DLG4: variants seen among roughly 807,000 people sequenced by gnomAD.
The protein encoded by DLG4 is disks large homolog 4.
In DLG4, 7 loss-of-function variants were observed where a neutral mutation model predicts 93.8. That is an observed-to-expected ratio of 0.07 (90% CI 0.04 to 0.14). The LOEUF is 0.14. Among genes scored for constraint, DLG4 ranks in the 10% least tolerant of loss-of-function variants. DLG4 has a pLI of 1.00. For synonymous variants in DLG4, 341 were observed against 387.6 expected (o/e 0.88, Z 1.41); for missense variants, 545 against 992.9 (o/e 0.55, Z 6.06).
rs755998980 is a variant in DLG4, at chr17:7,208,336, T to G, written c.31-97A>C. 3 of 1,132,890 alleles carry G rather than the reference T, an allele frequency of 2.6e-6. No individual in the cohort carries two copies. The highest frequency in any genetic ancestry group is 3.5e-6 in the Non-Finnish European group (3 of 869,424). The allele number at this position is 1,132,890 out of a possible 1,614,324, so 70.2% of individuals were successfully genotyped here. On this transcript the variant is annotated intron_variant, in intron 1 of 19. Coordinates refer to ENST00000399506, the MANE Select transcript of DLG4 (RefSeq NM_001321075.3). This position sits in a 1 kb window ranked among gnomAD's most constrained non-coding sequence, Gnocchi z 5.4. The stretch of plus-strand genomic sequence containing the variant: ...CCGCCTCTTCCCCCAGCCAGTGCAG[T>G]GCGGAAGGCCCTGGGGCCTGACCAG...
chr17:7,199,872 C>T (rs1044450246), intron 8 of DLG4, among the ~76,000 whole-genome samples: 1 of 149,996 alleles, frequency 6.7e-6, no homozygotes, highest in Non-Finnish European at 1.5e-5. Flanking sequence ...CCCAGCTACT[C>T]GGGAGGCTGA....
At chr17:7,219,925 C>T (rs1421475462), upstream of DLG4, 23 of 1,572,440 alleles carry the variant, frequency 1.5e-5, no homozygotes, top group African/African-American at 2.7e-5. Context: ...AGGACGTGGG[C>T]GTGCAGGACG....
Position 7,203,476 on chromosome 17 carries a change from C to T in DLG4, c.453G>A (p.Arg151=). Residue 151 remains arginine, a synonymous_variant, in exon 6 of 20, where the codon CGG becomes CGA. Coordinates refer to ENST00000399506, the MANE Select transcript of DLG4 (RefSeq NM_001321075.3). The surrounding 1 kb of genome is among the most constrained non-coding windows in gnomAD (Gnocchi z 7.2). ...CCATGACCTTCTCAGCCGGGGGCTT[C>T]CGGCGCATGACATAGAGGCGAACGA... ...GSIVRLYVMR[R]KPPAEKVMEI... 1.2e-6 allele frequency: 2 copies of T among 1,612,794 alleles called. No homozygotes were observed. Among genetic ancestry groups the T allele is most frequent in the Non-Finnish European group, 1.7e-6 (2 of 1,178,918 alleles).
At position 7,208,276 on chromosome 17, in the gene DLG4, C is replaced by A. The variant is rs371694951; in HGVS notation, c.31-37G>T. 1.1e-5 allele frequency: 14 copies of A among 1,309,142 alleles called. No individual in the cohort carries two copies. The highest frequency in any genetic ancestry group is 9.2e-5 in the Admixed American group (3 of 32,718). The allele number at this position is 1,309,142 out of a possible 1,614,324, so 81.1% of individuals were successfully genotyped here. On this transcript the variant is annotated intron_variant, in intron 1 of 19. Transcript: ENST00000399506. This position sits in a 1 kb window ranked among gnomAD's most constrained non-coding sequence, Gnocchi z 5.4. ...GACGGAGGTGTCACTGGGGCCAGCC[C>A]GGTGCCTCAGGCTCCAGGCTGGCCG... is the stretch of plus-strand genomic sequence containing the variant.
chr17:7,218,261 C>A (rs1218068727), upstream of DLG4: 1 of 1,609,874 alleles, frequency 6.2e-7, no homozygotes, highest in Non-Finnish European at 8.5e-7. Context: ...GAGAGGGAAG[C>A]CTCATAATAG....
At chr17:7,204,494 G>A (rs2070351816) in intron 2 of DLG4, 2 of 440,624 alleles carry the variant, frequency 4.5e-6, no homozygotes, top group South Asian at 4.8e-5. Flanking sequence ...TGCCCAGCCC[G>A]GGGCCCCCTG....
In DLG4 at chr17:7,208,254, G is replaced by A. The variant is rs367606957; in HGVS notation, c.31-15C>T. 7.6e-7 allele frequency: 1 copy of A among 1,312,072 alleles called. No homozygotes were observed. Among genetic ancestry groups the A allele is most frequent in the Non-Finnish European group, 9.8e-7 (1 of 1,021,608 alleles). 81.3% of individuals were successfully genotyped at this position (1,312,072 alleles called of 1,614,324 possible). The stretch of plus-strand genomic sequence containing the variant: ...TAGCGGTATTTCTGGGGATGGGGAC[G>A]GAGGTGTCACTGGGGCCAGCCCGGT... On this transcript the variant is annotated splice_polypyrimidine_tract_variant and intron_variant, in intron 1 of 19. Coordinates refer to ENST00000399506, the MANE Select transcript of DLG4 (RefSeq NM_001321075.3). This position sits in a 1 kb window ranked among gnomAD's most constrained non-coding sequence, Gnocchi z 5.4.
chr17:7,193,232 C>T lies in DLG4; in HGVS notation c.1694-115G>A. ...CAGCTGGTCCTTTGGTGAAAGGGAGCTGCCAGGGAGACCAAGACTGCAGAG... is the reference window on the plus strand; with the variant it reads ...CAGCTGGTCCTTTGGTGAAAGGGAGTTGCCAGGGAGACCAAGACTGCAGAG... On this transcript the variant is annotated intron_variant, in intron 16 of 19. Coordinates refer to ENST00000399506, the MANE Select transcript of DLG4 (RefSeq NM_001321075.3). The surrounding 1 kb of genome is among the most constrained non-coding windows in gnomAD (Gnocchi z 6.7). 1 of 1,464,222 alleles carries T rather than the reference C, an allele frequency of 6.8e-7. No homozygotes were observed. The highest frequency in any genetic ancestry group is 1.3e-5 in the South Asian group (1 of 78,788). The allele number at this position is 1,464,222 out of a possible 1,614,324, so 90.7% of individuals were successfully genotyped here. A position where few individuals can be genotyped will look rare whatever the true frequency, so the allele number is the denominator to read the frequency against.
Position 7,191,153 on chromosome 17 carries a change from CCGCGCCCACAGG to C in DLG4, c.2068+102_2068+113del, listed in dbSNP as rs2142807244. On this transcript the variant is annotated intron_variant, in intron 19 of 19. Transcript: ENST00000399506. The surrounding 1 kb of genome is among the most constrained non-coding windows in gnomAD (Gnocchi z 6.6). ...GGGATTACAGGCGTGAGCCACCATG[CCGCGCCCACAGG>C]GGCACCTCTTTCTAAGCCATCCACT... is the stretch of plus-strand genomic sequence containing the variant. The C allele has an allele frequency of 2.1e-6, 2 of 940,186 alleles. No homozygotes were observed. The highest frequency in any genetic ancestry group is 3.3e-6 in the Non-Finnish European group (2 of 607,762). 58.2% of individuals were successfully genotyped at this position (940,186 alleles called of 1,614,324 possible). A position where few individuals can be genotyped will look rare whatever the true frequency, so the allele number is the denominator to read the frequency against.
chr17:7,191,045 C>T lies in DLG4; in HGVS notation c.2068+222G>A, dbSNP rs1055297882. ...AGTGCAGTGGTGCGATCTCGGCTCA[C>T]TGCAACCTCTGCCTCCCAGGTTCAA... On this transcript the variant is annotated intron_variant, in intron 19 of 19. Coordinates refer to ENST00000399506, the MANE Select transcript of DLG4 (RefSeq NM_001321075.3). The surrounding 1 kb of genome is among the most constrained non-coding windows in gnomAD (Gnocchi z 6.6). Among the ~76,000 whole-genome samples the T allele has an allele frequency of 9.5e-5, 14 of 148,074 alleles. No individual in the cohort carries two copies. The highest frequency in any genetic ancestry group is 2.7e-4 in the Admixed American group (4 of 14,796).
chr17:7,191,558 G>A lies in DLG4; in HGVS notation c.1977-200C>T. 3.3e-6 allele frequency: 2 copies of A among 612,384 alleles called. No homozygotes were observed. Among genetic ancestry groups the A allele is most frequent in the Non-Finnish European group, 5.8e-6 (2 of 344,408 alleles). The allele number at this position is 612,384 out of a possible 1,614,324, so 37.9% of individuals were successfully genotyped here. A position where few individuals can be genotyped will look rare whatever the true frequency, so the allele number is the denominator to read the frequency against. ...ACCCGCAACCGCCCCAGCCAGGTGT[G>A]GCTACTCCAGGGACATCTACGGAGC... On this transcript the variant is annotated intron_variant, in intron 18 of 19. Transcript: ENST00000399506. This position sits in a 1 kb window ranked among gnomAD's most constrained non-coding sequence, Gnocchi z 6.6.
Position 7,208,293 on chromosome 17 carries a change from G to A in DLG4, c.31-54C>T. On this transcript the variant is annotated intron_variant, in intron 1 of 19. Transcript: ENST00000399506. The surrounding 1 kb of genome is among the most constrained non-coding windows in gnomAD (Gnocchi z 5.4). ...GGCCAGCCCGGTGCCTCAGGCTCCA[G>A]GCTGGCCGCCCTGGCCGCCGCCTCT... is the stretch of plus-strand genomic sequence containing the variant. 1 of 1,304,356 alleles carries A rather than the reference G, an allele frequency of 7.7e-7. No individual in the cohort carries two copies. Among genetic ancestry groups the A allele is most frequent in the Non-Finnish European group, 9.8e-7 (1 of 1,017,308 alleles). The allele number at this position is 1,304,356 out of a possible 1,614,324, so 80.8% of individuals were successfully genotyped here. A position where few individuals can be genotyped will look rare whatever the true frequency, so the allele number is the denominator to read the frequency against.
rs1487506138 is a variant in DLG4, at chr17:7,190,375, G to A, written c.*333C>T. ...GGCCCTGACTTCTGGAATGTGTGTG[G>A]GAGAGGATGGGGGAGGGCAGGTGGC... On this transcript the variant is annotated 3_prime_UTR_variant, in exon 20 of 20. Transcript: ENST00000399506. 1 of 360,082 alleles carries A rather than the reference G, an allele frequency of 2.8e-6. No homozygotes were observed. The highest frequency in any genetic ancestry group is 5.3e-6 in the Non-Finnish European group (1 of 188,702). 22.3% of individuals were successfully genotyped at this position (360,082 alleles called of 1,614,324 possible).
rs1439457895 is a variant in DLG4, at chr17:7,194,852, T to C, written c.1302-357A>G. Among the ~76,000 whole-genome samples, 2 of 151,988 alleles carry C rather than the reference T, an allele frequency of 1.3e-5. No individual in the cohort carries two copies. Among genetic ancestry groups the C allele is most frequent in the East Asian group, 3.9e-4 (2 of 5,156 alleles). On this transcript the variant is annotated intron_variant, in intron 11 of 19. Transcript: ENST00000399506. This position sits in a 1 kb window ranked among gnomAD's most constrained non-coding sequence, Gnocchi z 4.4. ...TGAGACCATGGTGAAACCCCGTCTCTACTAAAAATACAAAATATTAGCCGG... is the reference window on the plus strand; with the variant it reads ...TGAGACCATGGTGAAACCCCGTCTCCACTAAAAATACAAAATATTAGCCGG...
chr17:7,217,679 G>C (rs980177734), upstream of DLG4: 1 of 1,472,662 alleles, frequency 6.8e-7, no homozygotes, highest in Non-Finnish European at 9.1e-7. Flanking sequence ...GAATGGGGGG[G>C]GTGCCTTGGC....
Position 7,191,788 on chromosome 17 carries a change from C to T in DLG4, c.1976+105G>A, listed in dbSNP as rs554950104. On this transcript the variant is annotated intron_variant, in intron 18 of 19. Transcript: ENST00000399506. This position sits in a 1 kb window ranked among gnomAD's most constrained non-coding sequence, Gnocchi z 6.6. ...GGATCCCCCTCAGGGGCTGCTGAAA[C>T]CGCTGTCCAGGGTTCTGAAGGGAGA... 2.4e-6 allele frequency: 2 copies of T among 831,996 alleles called. No homozygotes were observed. Among genetic ancestry groups the T allele is most frequent in the East Asian group, 5.2e-5 (2 of 38,684 alleles). The allele number at this position is 831,996 out of a possible 1,614,324, so 51.5% of individuals were successfully genotyped here.
Position 7,193,034 on chromosome 17 carries a change from T to C in DLG4, c.1777A>G (p.Ile593Val). 1 of 1,613,804 alleles carries C rather than the reference T, an allele frequency of 6.2e-7. No homozygotes were observed. Among genetic ancestry groups the C allele is most frequent in the Non-Finnish European group, 8.5e-7 (1 of 1,179,790 alleles). Residue 593 changes from isoleucine to valine, a missense_variant, in exon 17 of 20, where the codon ATT becomes GTT. By Grantham distance (29) the Ile-to-Val change is conservative. This residue lies in a region of DLG4 where 428 missense variants were observed against 741.4 expected (regional missense o/e 0.58). Transcript: ENST00000399506. The surrounding 1 kb of genome is among the most constrained non-coding windows in gnomAD (Gnocchi z 6.7). ...VSSREKMEKDIQAHKFIEAGQ... is the reference protein window; with the variant it reads ...VSSREKMEKDVQAHKFIEAGQ... ...GCCTCAATGAACTTGTGCGCCTGAA[T>C]GTCCTTCTCCATTTTCTCCCGGGAC...
In DLG4 at chr17:7,193,384, C is replaced by G; in HGVS notation, c.1693+99G>C. 8.2e-7 allele frequency: 1 copy of G among 1,223,648 alleles called. No individual in the cohort carries two copies. The highest frequency in any genetic ancestry group is 1.1e-6 in the Non-Finnish European group (1 of 901,260). The allele number at this position is 1,223,648 out of a possible 1,614,324, so 75.8% of individuals were successfully genotyped here. The stretch of plus-strand genomic sequence containing the variant: ...GAGAAACCCTGTATCTCCCTACACA[C>G]CGATCCCCCAGGAGGCTCTGCCTAT... On this transcript the variant is annotated intron_variant, in intron 16 of 19. Coordinates refer to ENST00000399506, the MANE Select transcript of DLG4 (RefSeq NM_001321075.3). This position sits in a 1 kb window ranked among gnomAD's most constrained non-coding sequence, Gnocchi z 6.7.
chr17:7,213,583 C>T (rs932887148), intron 1 of DLG4, among the ~76,000 whole-genome samples: 3 of 152,162 alleles, frequency 2.0e-5, no homozygotes, highest in African/African-American at 7.2e-5. Context: ...CAATGACCCA[C>T]AAATCGTCCA....
Sources: gnomAD v4.1 joint callset for allele counts (sites outside exome capture counted in the v4.1 genomes callset) on GRCh38, gnomAD v4.1.1 for gene constraint, gnomAD v4.1.1 regional missense constraint, Gnocchi (gnomAD v3.1) non-coding constraint, MANE v1.5 for transcripts, NCBI Gene and HGNC (gene_info 2026-07-23, HGNC 2026-07-21) for gene names.